Variants in ELMO1 observed in about 807,000 individuals in gnomAD.
The protein encoded by ELMO1 is engulfment and cell motility protein 1.
ELMO1 carries 26 observed loss-of-function variants against 98.9 expected under a neutral mutation model. The observed-to-expected ratio is 0.26, with a 90% CI of 0.19 to 0.36. ELMO1 has a LOEUF of 0.36. ELMO1 is among the 10% of genes least tolerant of loss of function. ELMO1 has a pLI of 1.00. For synonymous variants in ELMO1, 346 were observed against 346.0 expected, an observed-to-expected ratio of 1.00 and a Z score of 0.00; for missense variants, 627 against 935.2, an observed-to-expected ratio of 0.67 and a Z score of 4.30.
intron 15 of ELMO1, among the ~76,000 whole-genome samples, chr7:37,067,551 AAAG>A (rs1229967618): frequency 2.6e-5 from 4 of 152,212 alleles, no homozygotes; most frequent in Non-Finnish European, 5.9e-5. Context: ...ATCATCAGGA[AAAG>A]AAGCGGAGCC....
chr7:37,004,973 G>A (rs1219930815), intron 16 of ELMO1, among the ~76,000 whole-genome samples: 2 of 151,776 alleles, frequency 1.3e-5, no homozygotes, highest in Non-Finnish European at 2.9e-5. Flanking sequence ...GCTGGGCATG[G>A]TGGTGCGTGC....
intron 9 of ELMO1, 57 bp from the exon 10 acceptor site, chr7:37,222,750 C>T (rs1254684036): frequency 3.3e-6 from 5 of 1,537,998 alleles, no homozygotes; most frequent in Admixed American, 3.6e-5. Context: ...AGAGGCTAGC[C>T]CTGGGTCAAA....
At chr7:37,442,919 G>A (rs1248312163) in intron 1 of ELMO1, among the ~76,000 whole-genome samples, 2 of 152,196 alleles carry the variant, frequency 1.3e-5, no homozygotes, top group Non-Finnish European at 1.5e-5. Flanking sequence ...AAGAAACAAC[G>A]CAGTAAAACG....
chr7:37,388,842 C>G (rs1802938505), intron 1 of ELMO1, among the ~76,000 whole-genome samples: 1 of 152,034 alleles, frequency 6.6e-6, no homozygotes, highest in Non-Finnish European at 1.5e-5. Context: ...CGTCACCTGA[C>G]CCACACAAAA....
In ELMO1 at chr7:36,999,771, T is replaced by TTG. The variant is rs552713929; in HGVS notation, c.1437+13526_1437+13527dup. On this transcript the variant is annotated intron_variant, in intron 16 of 21. Coordinates refer to ENST00000310758, the MANE Select transcript of ELMO1 (RefSeq NM_014800.11). ...AGTTGCATATGGCTCCATGTCATCT[T>TTG]TGTGTGTGTGTGTGTGTTTGAATCT... Among the ~76,000 whole-genome samples, 446 of 151,540 alleles carry TTG rather than the reference T, an allele frequency of 2.9e-3. 1 individual carries two copies. The highest frequency in any genetic ancestry group is 3.7e-3 in the Non-Finnish European group (249 of 67,830).
chr7:37,427,739 AGAG>A (rs1159346481), intron 1 of ELMO1, among the ~76,000 whole-genome samples: 1 of 152,352 alleles, frequency 6.6e-6, no homozygotes, highest in South Asian at 2.1e-4. Context: ...AATTATAGTA[AGAG>A]GAGAAGGGAG....
intron 14 of ELMO1, among the ~76,000 whole-genome samples, chr7:37,118,092 C>T (rs915660658): frequency 4.6e-5 from 7 of 152,190 alleles, no homozygotes; most frequent in African/African-American, 1.7e-4. Flanking sequence ...TTTAATTGCA[C>T]ATTACACACT....
chr7:37,204,186 TTGG>T (rs1327618366), intron 13 of ELMO1: 5 of 456,396 alleles, frequency 1.1e-5, no homozygotes, highest in Non-Finnish European at 2.2e-5. Context: ...GTGTCTGGAA[TTGG>T]TGGGTTCTTG....
intron 4 of ELMO1, among the ~76,000 whole-genome samples, chr7:37,279,174 C>A (rs1475110137): frequency 6.6e-6 from 1 of 152,040 alleles, no homozygotes; most frequent in South Asian, 2.1e-4. Context: ...TGCACTCCAG[C>A]CTGGGCAACA....
chr7:37,381,336 T>G (rs1216124061), intron 1 of ELMO1, among the ~76,000 whole-genome samples: 1 of 152,256 alleles, frequency 6.6e-6, no homozygotes, highest in Non-Finnish European at 1.5e-5. Flanking sequence ...ACCATTTCTC[T>G]AATCTGGGTG....
intron 13 of ELMO1, among the ~76,000 whole-genome samples, chr7:37,200,428 G>A (rs1205400445): frequency 1.3e-5 from 2 of 151,864 alleles, no homozygotes; most frequent in African/African-American, 4.8e-5. Context: ...TAAACATGAA[G>A]ACAGTGCATG....
chr7:37,167,417 C>T (rs925426438), intron 13 of ELMO1, among the ~76,000 whole-genome samples: 1 of 151,882 alleles, frequency 6.6e-6, no homozygotes, highest in African/African-American at 2.4e-5. Context: ...TTAGTTGATG[C>T]AGTTTCTTCC....
intron 15 of ELMO1, among the ~76,000 whole-genome samples, chr7:37,042,351 G>A (rs1795567894): frequency 6.6e-6 from 1 of 152,108 alleles, no homozygotes; most frequent in African/African-American, 2.4e-5. Flanking sequence ...TTTGTATGGG[G>A]CACATTGTAG....
chr7:37,093,372 T>C (rs1395927051), intron 15 of ELMO1, among the ~76,000 whole-genome samples: 1 of 152,230 alleles, frequency 6.6e-6, no homozygotes, highest in Non-Finnish European at 1.5e-5. Context: ...TTTGTAAACA[T>C]CCTTTCTCCC....
intron 7 of ELMO1, among the ~76,000 whole-genome samples, chr7:37,233,928 A>C (rs1302572656): frequency 1.3e-5 from 2 of 152,232 alleles, no homozygotes; most frequent in Non-Finnish European, 2.9e-5. Flanking sequence ...GGTGGGTCTA[A>C]TATGTGGTTT....
chr7:37,124,881 A>T (rs1444885885), intron 14 of ELMO1, among the ~76,000 whole-genome samples: 1 of 152,250 alleles, frequency 6.6e-6, no homozygotes, highest in Non-Finnish European at 1.5e-5. Flanking sequence ...CCTGACTTCA[A>T]ACTATACTAT....
intron 15 of ELMO1, among the ~76,000 whole-genome samples, chr7:37,095,874 C>A (rs6957997): frequency 0.23 from 34,546 of 151,982 alleles, 6,426 homozygotes; most frequent in African/African-American, 0.52. Context: ...TAAGCCTGTG[C>A]GGAAAGATTT....
At chr7:37,029,352 A>C (rs1794753370) in intron 15 of ELMO1, among the ~76,000 whole-genome samples, 1 of 152,140 alleles carries the variant, frequency 6.6e-6, no homozygotes, top group South Asian at 2.1e-4. Context: ...ATCAGTAAGT[A>C]GCCAAATTAT....
At chr7:37,129,518 C>T (rs1420842646) in intron 14 of ELMO1, among the ~76,000 whole-genome samples, 1 of 152,214 alleles carries the variant, frequency 6.6e-6, no homozygotes, top group Non-Finnish European at 1.5e-5. Flanking sequence ...ATGCCTGCCC[C>T]TTCACAGACC....
Sources: allele counts gnomAD v4.1 joint callset (sites outside exome capture counted in the v4.1 genomes callset), GRCh38; gene constraint gnomAD v4.1.1; transcripts MANE v1.5; gene names NCBI Gene and HGNC (gene_info 2026-07-23, HGNC 2026-07-21).